MED27: variants seen among roughly 807,000 people sequenced by gnomAD.
MED27 encodes mediator of RNA polymerase II transcription subunit 27.
In MED27, 30 loss-of-function variants were observed where a neutral mutation model predicts 38.2. The ratio of observed to expected loss-of-function variants is 0.79; its 90% CI spans 0.59 to 1.07. The LOEUF is 1.07. Among genes scored for constraint, MED27 ranks in the 50% least tolerant of loss-of-function variants. The probability of loss-of-function intolerance (pLI) is 0.00; values close to 1 mark genes in which losing one functional copy is unlikely to be tolerated. For synonymous variants in MED27, 122 were observed against 153.5 expected, an observed-to-expected ratio of 0.79 and a Z score of 1.52; for missense variants, 289 against 397.5, an observed-to-expected ratio of 0.73 and a Z score of 2.32.
chr9:131,891,401 G>A (rs1839226883), intron 5 of MED27, among the ~76,000 whole-genome samples: 1 of 152,202 alleles, frequency 6.6e-6, no homozygotes, highest in Non-Finnish European at 1.5e-5. Flanking sequence ...AGAGTTTTCA[G>A]AAGTATATTC....
At chr9:132,030,454 G>C (rs769078822) in intron 2 of MED27, among the ~76,000 whole-genome samples, 71 of 152,294 alleles carry the variant, frequency 4.7e-4, no homozygotes, top group Admixed American at 8.5e-4. Flanking sequence ...AAGAGGGGAA[G>C]AAAGGCCAGT....
intron 3 of MED27, among the ~76,000 whole-genome samples, chr9:131,948,483 A>G (rs1830926583): frequency 7.6e-6 from 1 of 131,122 alleles, no homozygotes; most frequent in Non-Finnish European, 1.6e-5. Flanking sequence ...ACTCCGTCTC[A>G]AAAAAACAAA....
chr9:131,877,225 T>G (rs1332478534), intron 6 of MED27, among the ~76,000 whole-genome samples: 2 of 152,212 alleles, frequency 1.3e-5, no homozygotes, highest in Non-Finnish European at 2.9e-5. Flanking sequence ...AAGAGAGGCT[T>G]TGGGAAGGAA....
intron 1 of MED27, 64 bp downstream of exon 1, chr9:132,079,578 C>T (rs1834128098): frequency 3.3e-6 from 5 of 1,499,174 alleles, no homozygotes; most frequent in Non-Finnish European, 4.6e-6. Context: ...AAGACTCGAG[C>T]GACGTAGGGG....
chr9:131,907,768 T>G lies in MED27; in HGVS notation c.574-13776A>C, dbSNP rs372762808. The stretch of plus-strand genomic sequence containing the variant: ...GCCCGGCCGCCATCCCATCTAGGAA[T>G]TGAGGAGCGCCTCTTCCCGGCCGCC... On this transcript the variant is annotated intron_variant, in intron 4 of 7. Transcript: ENST00000292035. Among the ~76,000 whole-genome samples, 194 of 125,724 alleles carry G rather than the reference T, an allele frequency of 1.5e-3. 1 individual carries two copies. Among genetic ancestry groups the G allele is most frequent in the South Asian group, 2.2e-3 (8 of 3,632 alleles). The allele number at this position is 125,724 out of a possible 152,430, so 82.5% of individuals were successfully genotyped here. A position where few individuals can be genotyped will look rare whatever the true frequency, so the allele number is the denominator to read the frequency against.
intron 3 of MED27, among the ~76,000 whole-genome samples, chr9:131,970,206 C>A (rs1406808048): frequency 6.6e-6 from 1 of 152,264 alleles, no homozygotes; most frequent in Non-Finnish European, 1.5e-5. Flanking sequence ...ACCCAGCGAA[C>A]CTCCACTCAG....
rs1830991441 is a variant in MED27, at chr9:131,951,299, A to G, written c.480-11825T>C. Among the ~76,000 whole-genome samples the G allele has an allele frequency of 2.6e-5, 4 of 152,224 alleles. No individual in the cohort carries two copies. In the South Asian group the frequency reaches 8.3e-4, roughly 31 times the overall value. On this transcript the variant is annotated intron_variant, in intron 3 of 7. Transcript: ENST00000292035. ...TCCTTCATAGTACACATCACAGTCT[A>G]TCTCACACATGTGGGGGAATGACTG...
At chr9:131,887,160 CAT>C (rs1564269253) in intron 5 of MED27, among the ~76,000 whole-genome samples, 1 of 152,112 alleles carries the variant, frequency 6.6e-6, no homozygotes, top group African/African-American at 2.4e-5. Flanking sequence ...AAAAGTTAAA[CAT>C]ATTTAAAAAT....
At chr9:131,915,173 G>A (rs565518073) in intron 4 of MED27, among the ~76,000 whole-genome samples, 13 of 152,260 alleles carry the variant, frequency 8.5e-5, no homozygotes, top group East Asian at 5.8e-4. Flanking sequence ...TCCCAGACAC[G>A]TCAATGTTTT....
intron 2 of MED27, among the ~76,000 whole-genome samples, chr9:132,023,915 C>T (rs1408690658): frequency 6.6e-6 from 1 of 152,050 alleles, no homozygotes. Context: ...TTTTATTGAT[C>T]ATTTTAACAA....
chr9:131,960,859 A>T (rs1831201067), intron 3 of MED27, among the ~76,000 whole-genome samples: 1 of 152,232 alleles, frequency 6.6e-6, no homozygotes, highest in South Asian at 2.1e-4. Context: ...CAGATCAATT[A>T]TCCTCAGTCG....
chr9:131,929,559 A>G (rs1209284927), intron 4 of MED27, among the ~76,000 whole-genome samples: 1 of 152,062 alleles, frequency 6.6e-6, no homozygotes, highest in African/African-American at 2.4e-5. Context: ...AATTAGTACA[A>G]TCACTATGGA....
intron 5 of MED27, among the ~76,000 whole-genome samples, chr9:131,892,382 T>G (rs1302885573): frequency 6.6e-6 from 1 of 152,196 alleles, no homozygotes; most frequent in Non-Finnish European, 1.5e-5. Flanking sequence ...TTCAGACACT[T>G]TCAGTAAGGG....
intron 3 of MED27, among the ~76,000 whole-genome samples, chr9:131,946,794 C>T (rs1414979098): frequency 4.6e-5 from 7 of 152,212 alleles, no homozygotes; most frequent in African/African-American, 9.6e-5. Context: ...TTCTCACCCC[C>T]GTGCCTGGGT....
intron 6 of MED27, among the ~76,000 whole-genome samples, chr9:131,873,398 G>A (rs933021594): frequency 6.6e-6 from 1 of 152,232 alleles, no homozygotes; most frequent in African/African-American, 2.4e-5. Context: ...GGGCGATGGG[G>A]AGTGCGCAGA....
chr9:132,058,758 C>T (rs991895030), intron 2 of MED27, among the ~76,000 whole-genome samples: 1 of 152,242 alleles, frequency 6.6e-6, no homozygotes, highest in Non-Finnish European at 1.5e-5. Flanking sequence ...ATCTCTACAA[C>T]TTCAGTGAAA....
rs2131472578 is a variant in MED27, at chr9:131,878,049, T to G, written c.723+6009A>C. Among the ~76,000 whole-genome samples, 3 of 151,948 alleles carry G rather than the reference T, an allele frequency of 2.0e-5. No homozygotes were observed. The Middle Eastern group carries it at 0.01, about 517-fold the overall frequency. On this transcript the variant is annotated intron_variant, in intron 6 of 7. Coordinates refer to ENST00000292035, the MANE Select transcript of MED27 (RefSeq NM_004269.4). ...CAACACTTTGGGAGGCCGAGGCAGG[T>G]GGATTACCTGAGATCAGGAGTTCAA...
In MED27 at chr9:131,872,641, G is replaced by A. The variant is rs1256532681; in HGVS notation, c.724-9501C>T. 3.3e-5 allele frequency among the ~76,000 whole-genome samples: 5 copies of A among 151,734 alleles called. No homozygotes were observed. Among genetic ancestry groups the A allele is most frequent in the South Asian group, 2.1e-4 (1 of 4,836 alleles). The stretch of plus-strand genomic sequence containing the variant: ...GGGGGCCTCTTCCCTGCTGGCCCTC[G>A]GTAGAAGAGCGTGGGGAGGCTGGGG... On this transcript the variant is annotated intron_variant, in intron 6 of 7. Coordinates refer to ENST00000292035, the MANE Select transcript of MED27 (RefSeq NM_004269.4). The surrounding 1 kb of genome is among the most constrained non-coding windows in gnomAD (Gnocchi z 5.6).
intron 2 of MED27, among the ~76,000 whole-genome samples, chr9:132,055,702 C>T (rs950379943): frequency 1.3e-5 from 2 of 152,190 alleles, no homozygotes; most frequent in Admixed American, 6.5e-5. Context: ...GAGAGGACTC[C>T]CCATTATCCA....
Sources: allele counts gnomAD v4.1 joint callset (sites outside exome capture counted in the v4.1 genomes callset), GRCh38; gene constraint gnomAD v4.1.1; non-coding constraint Gnocchi (gnomAD v3.1); transcripts MANE v1.5; gene names NCBI Gene and HGNC (gene_info 2026-07-23, HGNC 2026-07-21).